Variants in ANKH observed in about 807,000 individuals in gnomAD.
ANKH encodes mineralization regulator ANKH.
A neutral mutation model predicts 49.0 loss-of-function variants in ANKH; 15 were observed. The ratio of observed to expected loss-of-function variants is 0.31; its 90% confidence interval spans 0.20 to 0.47. The LOEUF (loss-of-function observed/expected upper bound fraction) is 0.47, where lower values mean the gene tolerates loss of function less well. Ranked by LOEUF, ANKH falls within the 20% of genes least tolerant of loss-of-function variation. The pLI is 1.00. For synonymous variants in ANKH, 273 were observed against 260.0 expected (o/e 1.05, Z -0.48); for missense variants, 429 against 652.0 (o/e 0.66, Z 3.72).
chr5:14,758,957 T>A (rs1738988155), intron 2 of ANKH, among the ~76,000 whole-genome samples: 1 of 152,368 alleles, frequency 6.6e-6, no homozygotes, highest in Admixed American at 6.5e-5. Context: ...GAGAGTTTGC[T>A]TGGTATCAGC....
intron 1 of ANKH, among the ~76,000 whole-genome samples, chr5:14,811,482 G>A (rs1740883046): frequency 6.6e-6 from 1 of 152,138 alleles, no homozygotes; most frequent in Admixed American, 6.6e-5. Flanking sequence ...AGGTCCTTTT[G>A]AATTGCCTGG....
intron 1 of ANKH, among the ~76,000 whole-genome samples, chr5:14,814,529 C>T (rs984832006): frequency 6.6e-6 from 1 of 152,150 alleles, no homozygotes; most frequent in African/African-American, 2.4e-5. Flanking sequence ...TGGCTTGAGC[C>T]TGGGAGGTTG....
At chr5:14,735,413 G>A (rs1260091940) in intron 8 of ANKH, among the ~76,000 whole-genome samples, 1 of 152,196 alleles carries the variant, frequency 6.6e-6, no homozygotes, top group African/African-American at 2.4e-5. Context: ...ACAAAAACAA[G>A]TGAGTTGAAT....
At chr5:14,741,525 A>G (rs1738353732) in intron 8 of ANKH, 2 of 303,612 alleles carry the variant, frequency 6.6e-6, no homozygotes, top group South Asian at 8.1e-5. Flanking sequence ...GATGTTTAAA[A>G]AGTGGGCTAG....
In ANKH at chr5:14,710,870, T is replaced by C. The variant is rs1290600882; in HGVS notation, c.*327A>G. 1 of 370,430 alleles carries C rather than the reference T, an allele frequency of 2.7e-6. No individual in the cohort carries two copies. 22.9% of individuals were successfully genotyped at this position (370,430 alleles called of 1,614,324 possible). The stretch of plus-strand genomic sequence containing the variant: ...CGATGGCACAGCTGCAGTCCTTTGG[T>C]TCCAAGAGGAGATTGTCCAGGGGAG... On this transcript the variant is annotated 3_prime_UTR_variant, in exon 12 of 12. Transcript: ENST00000284268.
intron 1 of ANKH, among the ~76,000 whole-genome samples, chr5:14,842,880 C>T (rs952045396): frequency 1.3e-5 from 2 of 152,144 alleles, no homozygotes; most frequent in African/African-American, 2.4e-5. Flanking sequence ...ACACAATGTT[C>T]TGAACATTGT....
chr5:14,716,808 TG>T lies in ANKH; in HGVS notation c.1038del (p.Asn347ThrfsTer7). On this transcript the variant is annotated frameshift_variant, in exon 9 of 12. Transcript: ENST00000284268. LOFTEE classifies it high-confidence loss of function. ...TCTATCAAGATTTTCTCAGACACGT[TG>T]GGTGTCCAAAACATCACGAAACAGA... ...LTLCFVMFWTPNVSEKILIDI... is the reference protein window; with the variant it reads ...LTLCFVMFWTXNVSEKILIDI... The T allele has an allele frequency of 6.2e-7, 1 of 1,614,120 alleles. No individual in the cohort carries two copies.
chr5:14,730,577 C>G (rs1172829489), intron 8 of ANKH, among the ~76,000 whole-genome samples: 1 of 152,158 alleles, frequency 6.6e-6, no homozygotes, highest in Non-Finnish European at 1.5e-5. Flanking sequence ...CACCTGAGGG[C>G]AGGGGTTTGG....
chr5:14,803,424 C>T (rs1450471082), intron 1 of ANKH, among the ~76,000 whole-genome samples: 1 of 151,934 alleles, frequency 6.6e-6, no homozygotes, highest in Non-Finnish European at 1.5e-5. Flanking sequence ...GGACTACAGG[C>T]ACGCACCACC....
In ANKH at chr5:14,728,810, G is replaced by A. The variant is rs577681319; in HGVS notation, c.1012-11975C>T. Among the ~76,000 whole-genome samples, 11 of 152,336 alleles carry A rather than the reference G, an allele frequency of 7.2e-5. No homozygotes were observed. In the South Asian group the frequency reaches 2.3e-3, roughly 32 times the overall value. ...CAGATTCTGCTACCTTCTAGCACAT[G>A]ACAGAAGGACTCAGAACTGACACGC... On this transcript the variant is annotated intron_variant, in intron 8 of 11. Transcript: ENST00000284268.
At chr5:14,798,576 T>G (rs1740466033) in intron 1 of ANKH, among the ~76,000 whole-genome samples, 1 of 152,046 alleles carries the variant, frequency 6.6e-6, no homozygotes, top group African/African-American at 2.4e-5. Context: ...CAAAAGCACA[T>G]GCTCACTCTC....
At chr5:14,865,835 T>C (rs1735628542) in intron 1 of ANKH, among the ~76,000 whole-genome samples, 3 of 152,180 alleles carry the variant, frequency 2.0e-5, no homozygotes, top group Admixed American at 2.0e-4. Flanking sequence ...GGAACCCTCT[T>C]ATACTGTGGA....
intron 8 of ANKH, among the ~76,000 whole-genome samples, chr5:14,734,858 G>A (rs1738125841): frequency 6.6e-6 from 1 of 152,190 alleles, no homozygotes; most frequent in South Asian, 2.1e-4. Context: ...TAAGGTTCAA[G>A]TGGTAAATAG....
Position 14,753,091 on chromosome 5 carries a change from T to C in ANKH, c.517-1852A>G, listed in dbSNP as rs1306669463. Among the ~76,000 whole-genome samples, 3 of 152,016 alleles carry C rather than the reference T, an allele frequency of 2.0e-5. No homozygotes were observed. In the East Asian group the frequency reaches 5.8e-4, roughly 29 times the overall value. On this transcript the variant is annotated intron_variant, in intron 4 of 11. Coordinates refer to ENST00000284268, the MANE Select transcript of ANKH (RefSeq NM_054027.6). ...CAGGACCCAGAGGAGTGGCCCTGGA[T>C]GGGAGGAGGGACACCTCCTCCCCTA...
intron 1 of ANKH, among the ~76,000 whole-genome samples, chr5:14,862,493 A>G (rs1377902297): frequency 6.6e-6 from 1 of 152,188 alleles, no homozygotes; most frequent in Non-Finnish European, 1.5e-5. Flanking sequence ...CTTGATATGA[A>G]TGACCTATCT....
At position 14,866,257 on chromosome 5, in the gene ANKH, T is replaced by C. The variant is rs1304063630; in HGVS notation, c.96+5095A>G. 2.0e-5 allele frequency among the ~76,000 whole-genome samples: 3 copies of C among 152,084 alleles called. No homozygotes were observed. The East Asian group carries it at 5.8e-4, about 29-fold the overall frequency. On this transcript the variant is annotated intron_variant, in intron 1 of 11. Transcript: ENST00000284268. ...CTGACCTCAGGTGATCCACCTGCCT[T>C]GGCCTCCCAAAGTGCTGGGATTACA... is the stretch of plus-strand genomic sequence containing the variant.
At chr5:14,774,289 C>T (rs1305097342) in intron 1 of ANKH, among the ~76,000 whole-genome samples, 1 of 152,180 alleles carries the variant, frequency 6.6e-6, no homozygotes, top group African/African-American at 2.4e-5. Flanking sequence ...TTTATGGCTT[C>T]ACTTGCACAC....
intron 1 of ANKH, among the ~76,000 whole-genome samples, chr5:14,771,215 C>T (rs1580054975): frequency 6.6e-6 from 1 of 152,212 alleles, no homozygotes; most frequent in South Asian, 2.1e-4. Flanking sequence ...AATCATACTA[C>T]ATTATGACAA....
At chr5:14,820,526 A>G (rs1741168390) in intron 1 of ANKH, among the ~76,000 whole-genome samples, 1 of 152,234 alleles carries the variant, frequency 6.6e-6, no homozygotes, top group Non-Finnish European at 1.5e-5. Flanking sequence ...AGGAGACACC[A>G]CAATTAGGGA....
Sources: gnomAD v4.1 joint callset for allele counts (sites outside exome capture counted in the v4.1 genomes callset) on GRCh38, gnomAD v4.1.1 for gene constraint, MANE v1.5 for transcripts, NCBI Gene and HGNC (gene_info 2026-07-23, HGNC 2026-07-21) for gene names.